The following BNC2 variants were observed in gnomAD, a reference collection of about 807,000 sequenced individuals.
The protein encoded by BNC2 is zinc finger protein basonuclin-2.
A neutral mutation model predicts 76.3 loss-of-function variants in BNC2; 20 were observed. That is an observed-to-expected ratio of 0.26 (90% CI 0.18 to 0.38). BNC2 has a LOEUF of 0.38. Ranked by LOEUF, BNC2 falls within the 10% of genes least tolerant of loss-of-function variation. The pLI is 1.00. For synonymous variants in BNC2, 582 were observed against 514.8 expected, an observed-to-expected ratio of 1.13 and a Z score of -1.77; for missense variants, 1,382 against 1,399.8, an observed-to-expected ratio of 0.99 and a Z score of 0.20.
At chr9:16,448,531 A>G (rs1384559957) in intron 5 of BNC2, among the ~76,000 whole-genome samples, 1 of 152,160 alleles carries the variant, frequency 6.6e-6, no homozygotes, top group Non-Finnish European at 1.5e-5. Flanking sequence ...GAATTACTTT[A>G]CAAATGAAGC....
Position 16,418,698 on chromosome 9 carries a change from A to ATG in BNC2, c.*289_*290dup, listed in dbSNP as rs745647566. On this transcript the variant is annotated 3_prime_UTR_variant, in exon 7 of 7. Coordinates refer to ENST00000380672, the MANE Select transcript of BNC2 (RefSeq NM_017637.6). ...TGTGTGTGTGTGTGTGTGTATGTGC[A>ATG]TGTGTGTGTGTGTGTGTTTAAAGGG... 3,499 of 299,456 alleles carry ATG rather than the reference A, an allele frequency of 0.012. 53 individuals carry two copies. Among genetic ancestry groups the ATG allele is most frequent in the African/African-American group, 0.07 (2,079 of 29,902 alleles). 18.5% of individuals were successfully genotyped at this position (299,456 alleles called of 1,614,324 possible). A position where few individuals can be genotyped will look rare whatever the true frequency, so the allele number is the denominator to read the frequency against.
At chr9:16,800,807 T>C (rs1817762391) in intron 1 of BNC2, among the ~76,000 whole-genome samples, 1 of 152,204 alleles carries the variant, frequency 6.6e-6, no homozygotes, top group South Asian at 2.1e-4. Flanking sequence ...TCAACAGTTT[T>C]TAAAAACCTC....
chr9:16,802,172 G>A (rs1374854594), intron 1 of BNC2, among the ~76,000 whole-genome samples: 2 of 152,210 alleles, frequency 1.3e-5, no homozygotes, highest in East Asian at 3.8e-4. Flanking sequence ...AGTTAAGAGT[G>A]CAAATATATT....
chr9:16,435,663 C>T lies in BNC2; in HGVS notation c.2531G>A (p.Ser844Asn), dbSNP rs1284207933. The change falls in exon 6 of 7, where the codon AGC becomes AAC. Residue 844 changes from serine (S) to asparagine (N), a missense_variant. This residue lies in a region of BNC2 where 798 missense variants were observed against 775.5 expected (regional missense o/e 1.03). Transcript: ENST00000380672. ...GTAGTGAAGTTTCACACTGTAGGAG[C>T]TTTTGAAACTCTTCTTGCACACATA... ...ICYVCKKSFK[S>N]SYSVKLHYRN... The T allele has an allele frequency of 1.5e-5, 24 of 1,614,098 alleles. No homozygotes were observed. The highest frequency in any genetic ancestry group is 2.0e-5 in the Non-Finnish European group (24 of 1,180,016).
chr9:16,454,562 C>T (rs1181997091), intron 5 of BNC2, among the ~76,000 whole-genome samples: 1 of 152,140 alleles, frequency 6.6e-6, no homozygotes, highest in Non-Finnish European at 1.5e-5. Context: ...CCTCAGTCTC[C>T]CAAAGTGCTG....
rs141370791 is a variant in BNC2 at position 16,539,757 on chromosome 9, A to AAGAG, written c.669+12772_669+12773insCTCT. Among the ~76,000 whole-genome samples the AAGAG allele has an allele frequency of 2.1e-3, 192 of 90,436 alleles. 3 individuals are homozygous for AAGAG. The highest frequency in any genetic ancestry group is 0.014 in the African/African-American group (179 of 12,470). The allele number at this position is 90,436 out of a possible 152,430, so 59.3% of individuals were successfully genotyped here. The stretch of plus-strand genomic sequence containing the variant: ...GGGAAAGGGAAGGGAAGGGAAGGAA[A>AAGAG]GGAAAGGAAAAGAAAGGAAAGGAAA... On this transcript the variant is annotated intron_variant, in intron 5 of 6. Coordinates refer to ENST00000380672, the MANE Select transcript of BNC2 (RefSeq NM_017637.6).
Position 16,827,277 on chromosome 9 carries a change from A to C in BNC2, c.3+43369T>G, listed in dbSNP as rs76530266. ...ATGTGTAACTAGGAGAAACACATGG[A>C]AAAGCGACAAGCAGGTCTCTGTGAA... On this transcript the variant is annotated intron_variant, in intron 1 of 6. Coordinates refer to ENST00000380672, the MANE Select transcript of BNC2 (RefSeq NM_017637.6). 6.1e-3 allele frequency among the ~76,000 whole-genome samples: 933 copies of C among 152,326 alleles called. 14 individuals carry two copies. The highest frequency in any genetic ancestry group is 0.021 in the African/African-American group (873 of 41,560).
chr9:16,699,833 C>A (rs1004095257), intron 3 of BNC2, among the ~76,000 whole-genome samples: 2 of 152,314 alleles, frequency 1.3e-5, no homozygotes, highest in Admixed American at 1.3e-4. Flanking sequence ...TCACTATATT[C>A]ATGAAAGAGA....
intron 3 of BNC2, 24 bp downstream of exon 3, chr9:16,727,773 A>G: frequency 1.3e-6 from 2 of 1,593,380 alleles, no homozygotes; most frequent in Non-Finnish European, 8.5e-7. Flanking sequence ...AAGAAAAAAA[A>G]AATCAAGAAA....
At chr9:16,763,432 T>C (rs533653590) in intron 1 of BNC2, among the ~76,000 whole-genome samples, 2 of 151,914 alleles carry the variant, frequency 1.3e-5, no homozygotes, top group South Asian at 4.2e-4. Flanking sequence ...TAGCCGGCCA[T>C]AGTGACATGC....
intron 6 of BNC2, among the ~76,000 whole-genome samples, chr9:16,427,571 T>C (rs1266950585): frequency 1.3e-5 from 2 of 152,370 alleles, no homozygotes; most frequent in Middle Eastern, 3.4e-3. Flanking sequence ...GATTAATTAC[T>C]GAATGTTTAA....
chr9:16,449,897 C>G (rs1291039546), intron 5 of BNC2, among the ~76,000 whole-genome samples: 2 of 151,930 alleles, frequency 1.3e-5, no homozygotes, highest in East Asian at 3.9e-4. Flanking sequence ...AATACATTTC[C>G]TATTATTTTG....
At chr9:16,585,309 A>G (rs1176580614) in intron 3 of BNC2, among the ~76,000 whole-genome samples, 1 of 152,130 alleles carries the variant, frequency 6.6e-6, no homozygotes, top group East Asian at 1.9e-4. Context: ...AAATAACTTT[A>G]CACATTTGGT....
At chr9:16,447,503 A>T (rs1821253770) in intron 5 of BNC2, among the ~76,000 whole-genome samples, 1 of 152,098 alleles carries the variant, frequency 6.6e-6, no homozygotes, top group Non-Finnish European at 1.5e-5. Context: ...TTTTTAGAAT[A>T]TGTGTATTTA....
chr9:16,681,300 C>A (rs1822814086), intron 3 of BNC2, among the ~76,000 whole-genome samples: 1 of 152,132 alleles, frequency 6.6e-6, no homozygotes, highest in Non-Finnish European at 1.5e-5. Flanking sequence ...TCATATGGAC[C>A]TCATTCTGTT....
intron 3 of BNC2, among the ~76,000 whole-genome samples, chr9:16,697,665 G>A (rs10810592): frequency 1.3e-5 from 2 of 150,890 alleles, no homozygotes; most frequent in African/African-American, 4.9e-5. Context: ...GGAGGTGGCA[G>A]TGAGCCGAGA....
chr9:16,556,611 T>C (rs1189011933), intron 4 of BNC2, among the ~76,000 whole-genome samples: 2 of 151,072 alleles, frequency 1.3e-5, no homozygotes, highest in South Asian at 2.1e-4. Context: ...CTACTAAAAA[T>C]ACAAAAATTA....
chr9:16,691,731 G>C (rs1385353496), intron 3 of BNC2, among the ~76,000 whole-genome samples: 3 of 151,298 alleles, frequency 2.0e-5, no homozygotes, highest in Non-Finnish European at 4.4e-5. Flanking sequence ...GGATGGTCTC[G>C]ATCTCCTGAC....
chr9:16,738,055 T>C (rs942011990), intron 2 of BNC2, among the ~76,000 whole-genome samples: 8 of 151,750 alleles, frequency 5.3e-5, no homozygotes, highest in East Asian at 1.9e-4. Flanking sequence ...CCTAGAACAA[T>C]AGGAAAGAAA....
Sources: gnomAD v4.1 joint callset for allele counts (sites outside exome capture counted in the v4.1 genomes callset) on GRCh38, gnomAD v4.1.1 for gene constraint, gnomAD v4.1.1 regional missense constraint, MANE v1.5 for transcripts, NCBI Gene and HGNC (gene_info 2026-07-23, HGNC 2026-07-21) for gene names.